The following TP63 variants were observed in gnomAD, a reference collection of about 807,000 sequenced individuals.
TP63 encodes tumor protein p63.
Under a neutral mutation model 82.8 loss-of-function variants are expected in TP63, and 17 were observed. That is an observed-to-expected ratio of 0.21 (90% confidence interval 0.14 to 0.31). The LOEUF (loss-of-function observed/expected upper bound fraction) is 0.31, where lower values mean the gene tolerates loss of function less well. TP63 is among the 10% of genes least tolerant of loss of function. The pLI, the probability that TP63 is intolerant of heterozygous loss-of-function variation, is 1.00. For missense variants in TP63, 648 were observed against 895.3 expected, an observed-to-expected ratio of 0.72 and a Z score of 3.52; for synonymous variants, 330 against 321.7, an observed-to-expected ratio of 1.03 and a Z score of -0.28.
intron 10 of TP63, among the ~76,000 whole-genome samples, chr3:189,876,475 C>T (rs1481332720): frequency 1.3e-5 from 2 of 152,214 alleles, no homozygotes; most frequent in East Asian, 1.9e-4. Context: ...CACTTTTTTG[C>T]ATGTGTGGCC....
rs915399422 is a variant in TP63, at chr3:189,889,344, C to T, written c.1512C>T (p.Pro504=). The change falls in exon 12 of 14, where the codon CCC becomes CCT. Residue 504 remains proline (P), a synonymous_variant. Coordinates refer to ENST00000264731, the MANE Select transcript of TP63 (RefSeq NM_003722.5). ...GTTCCTCCTGCTTCTGTTCAGTTCC[C>T]ATGATGGGCACCCACATGCCAATGG... ...TIPDGMGANI[P]MMGTHMPMAG... The T allele has an allele frequency of 6.8e-6, 11 of 1,614,148 alleles. 2 individuals carry two copies. Among genetic ancestry groups the T allele is most frequent in the Admixed American group, 1.7e-5 (1 of 60,026 alleles).
intron 1 of TP63, among the ~76,000 whole-genome samples, chr3:189,683,261 C>T (rs1465222106): frequency 5.3e-5 from 8 of 152,096 alleles, no homozygotes; most frequent in African/African-American, 1.9e-4. Flanking sequence ...TTCATTTAGG[C>T]TTCACAGCTC....
intron 4 of TP63, among the ~76,000 whole-genome samples, chr3:189,823,385 A>T (rs1289869993): frequency 6.6e-6 from 1 of 152,174 alleles, no homozygotes; most frequent in Non-Finnish European, 1.5e-5. Context: ...AAAGTAGATT[A>T]ACCTGACAGC....
chr3:189,787,127 AT>A (rs34325445), intron 3 of TP63, among the ~76,000 whole-genome samples: 5,527 of 152,204 alleles, frequency 0.036, 142 homozygotes, highest in Non-Finnish European at 0.056. Flanking sequence ...AGCAAAAAAT[AT>A]GGATTTTCCA....
chr3:189,877,760 G>T (rs2108833659), intron 10 of TP63, among the ~76,000 whole-genome samples: 1 of 152,282 alleles, frequency 6.6e-6, no homozygotes, highest in East Asian at 1.9e-4. Context: ...TTATAATAAA[G>T]CTAAGACTAG....
intron 3 of TP63, among the ~76,000 whole-genome samples, chr3:189,775,818 T>C (rs188087658): frequency 2.6e-5 from 4 of 152,278 alleles, no homozygotes; most frequent in Non-Finnish European, 4.4e-5. Context: ...AAAGCAGAAA[T>C]TGAGGCAGCT....
At chr3:189,803,631 G>GAAT (rs1726554852) in intron 3 of TP63, among the ~76,000 whole-genome samples, 1 of 152,182 alleles carries the variant, frequency 6.6e-6, no homozygotes. Context: ...TGATTGCAGG[G>GAAT]AATATGTCGA....
chr3:189,702,129 G>A (rs902158732), intron 1 of TP63, among the ~76,000 whole-genome samples: 1 of 152,106 alleles, frequency 6.6e-6, no homozygotes, highest in Non-Finnish European at 1.5e-5. Context: ...GGCCCTTGGG[G>A]TTTTTCTGGT....
intron 10 of TP63, among the ~76,000 whole-genome samples, chr3:189,875,611 T>TATATATACACACAC (rs1553859675): frequency 2.6e-5 from 2 of 77,038 alleles, no homozygotes; most frequent in South Asian, 3.8e-4. Context: ...TATATATATA[T>TATATATACACACAC]ATATATATAT....
At chr3:189,883,368 G>A (rs746853127) in intron 10 of TP63, among the ~76,000 whole-genome samples, 1 of 152,060 alleles carries the variant, frequency 6.6e-6, no homozygotes, top group African/African-American at 2.4e-5. Context: ...CATATTAAAG[G>A]GAAGGCATTC....
Position 189,631,410 on chromosome 3 carries a change from C to G in TP63, c.-106C>G. On this transcript the variant is annotated 5_prime_UTR_variant, in exon 1 of 14. Coordinates refer to ENST00000264731, the MANE Select transcript of TP63 (RefSeq NM_003722.5). ...ACTTCTATGTCTGATAGCATTTGAC[C>G]CTATTGCTTTTAGCCTCCCGGCTTT... 1.3e-6 allele frequency: 2 copies of G among 1,583,238 alleles called. No individual in the cohort carries two copies. The highest frequency in any genetic ancestry group is 1.7e-6 in the Non-Finnish European group (2 of 1,165,984).
chr3:189,893,706 T>C (rs1045887969), intron 13 of TP63, among the ~76,000 whole-genome samples: 3 of 152,288 alleles, frequency 2.0e-5, no homozygotes, highest in Admixed American at 2.0e-4. Context: ...GTTCTATCTA[T>C]AAAACAGGTC....
rs1720454726 is a variant in TP63 at position 189,886,445 on chromosome 3, C to G, written c.1401C>G (p.Asn467Lys). Reference sequence around the variant, plus strand: ...ATGGTAACAGCTCCCCACCTCTGAACAAAATGAACAGCATGAACAAGCTGC... The same window carrying G: ...ATGGTAACAGCTCCCCACCTCTGAAGAAAATGAACAGCATGAACAAGCTGC... ...SSYGNSSPPL[N>K]KMNSMNKLPS... The change falls in exon 11 of 14, where the codon AAC (asparagine) becomes AAG (lysine). Residue 467 changes from asparagine (N) to lysine (K), a missense_variant. Asn to Lys is a moderately conservative substitution (Grantham distance 94, BLOSUM62 0). Coordinates refer to ENST00000264731, the MANE Select transcript of TP63 (RefSeq NM_003722.5). 3 of 1,614,120 alleles carry G rather than the reference C, an allele frequency of 1.9e-6. No individual in the cohort carries two copies. The highest frequency in any genetic ancestry group is 2.5e-6 in the Non-Finnish European group (3 of 1,180,004).
the TP63 span, among the ~76,000 whole-genome samples, chr3:189,600,235 A>T: frequency 6.6e-6 from 1 of 152,234 alleles, no homozygotes; most frequent in African/African-American, 2.4e-5. Context: ...GTGGATCAAT[A>T]GAAATGGATC....
chr3:189,778,757 C>A (rs1002573570), intron 3 of TP63, among the ~76,000 whole-genome samples: 3 of 152,174 alleles, frequency 2.0e-5, no homozygotes, highest in Non-Finnish European at 4.4e-5. Context: ...TCTGGTCACA[C>A]CACTTACGTT....
intron 1 of TP63, among the ~76,000 whole-genome samples, chr3:189,674,783 C>G (rs1560101697): frequency 6.6e-6 from 1 of 152,088 alleles, no homozygotes; most frequent in Non-Finnish European, 1.5e-5. Context: ...TGTGGCAGAT[C>G]TGAACTAGCA....
intron 4 of TP63, among the ~76,000 whole-genome samples, chr3:189,852,856 C>T (rs1345512779): frequency 1.3e-5 from 2 of 152,204 alleles, no homozygotes; most frequent in South Asian, 2.1e-4. Flanking sequence ...CTCCTCCTTC[C>T]CCCATCCCAT....
chr3:189,597,736 G>A, the TP63 span, among the ~76,000 whole-genome samples: 1 of 152,038 alleles, frequency 6.6e-6, no homozygotes, highest in Non-Finnish European at 1.5e-5. Context: ...ACCAGCCTAG[G>A]CAACATGGTG....
At chr3:189,616,656 C>T in the TP63 span, among the ~76,000 whole-genome samples, 49 of 152,272 alleles carry the variant, frequency 3.2e-4, 1 homozygote, top group African/African-American at 1.0e-3. Flanking sequence ...ACATCATTTT[C>T]GTCTTTTGGT....
Sources: allele counts gnomAD v4.1 joint callset (sites outside exome capture counted in the v4.1 genomes callset), GRCh38; gene constraint gnomAD v4.1.1; transcripts MANE v1.5; gene names NCBI Gene and HGNC (gene_info 2026-07-23, HGNC 2026-07-21).